The following PARVA variants were observed in gnomAD, a reference collection of about 807,000 sequenced individuals.
PARVA encodes the protein parvin alpha, also known as alpha-parvin.
PARVA carries 25 observed loss-of-function variants against 52.6 expected under a neutral mutation model. That is an observed-to-expected ratio of 0.48 (90% CI 0.35 to 0.66). The LOEUF is 0.66. Among genes scored for constraint, PARVA ranks in the 30% least tolerant of loss-of-function variants. The pLI is 0.01. For synonymous variants in PARVA, 185 were observed against 179.1 expected, an observed-to-expected ratio of 1.03 and a Z score of -0.26; for missense variants, 373 against 450.9, an observed-to-expected ratio of 0.83 and a Z score of 1.56.
At chr11:12,422,823 T>G (rs1288264659) in intron 1 of PARVA, among the ~76,000 whole-genome samples, 1 of 152,198 alleles carries the variant, frequency 6.6e-6, no homozygotes, top group African/African-American at 2.4e-5. Context: ...ATTTAAAATT[T>G]TGGGGGGCTC....
intron 12 of PARVA, 125 bp downstream of exon 12, chr11:12,518,642 G>A (rs781180573): frequency 6.9e-5 from 50 of 725,276 alleles, no homozygotes; most frequent in East Asian, 2.1e-4. Context: ...GGTGGGACTC[G>A]GTGCAGCTGC....
chr11:12,447,833 T>A (rs1368680356), intron 1 of PARVA, among the ~76,000 whole-genome samples: 1 of 152,196 alleles, frequency 6.6e-6, no homozygotes, highest in African/African-American at 2.4e-5. Context: ...GGAATGAACA[T>A]GAGGTTTGAA....
intron 1 of PARVA, among the ~76,000 whole-genome samples, chr11:12,421,875 T>G (rs1404647280): frequency 6.6e-6 from 1 of 152,238 alleles, no homozygotes; most frequent in Non-Finnish European, 1.5e-5. Context: ...TAAACTAAGT[T>G]CTAGAAATAT....
At chr11:12,424,697 A>C (rs1940203083) in intron 1 of PARVA, among the ~76,000 whole-genome samples, 2 of 152,194 alleles carry the variant, frequency 1.3e-5, no homozygotes, top group African/African-American at 4.8e-5. Context: ...AATAACACTC[A>C]AGCCCAGATT....
intron 1 of PARVA, among the ~76,000 whole-genome samples, chr11:12,448,050 A>C (rs1940571755): frequency 1.3e-5 from 2 of 152,220 alleles, no homozygotes; most frequent in African/African-American, 4.8e-5. Flanking sequence ...CTGTCAAGGT[A>C]TCTTTCATAT....
intron 1 of PARVA, among the ~76,000 whole-genome samples, chr11:12,423,351 G>GTTT (rs869105706): frequency 9.6e-6 from 1 of 104,708 alleles, no homozygotes; most frequent in Non-Finnish European, 1.9e-5. Context: ...GCTAATTTTT[G>GTTT]TTTTTTTTTT....
intron 5 of PARVA, among the ~76,000 whole-genome samples, chr11:12,503,866 G>A (rs1252557636): frequency 6.6e-6 from 1 of 152,156 alleles, no homozygotes; most frequent in Non-Finnish European, 1.5e-5. Context: ...CATTAAGAAA[G>A]GCTTGAGGCT....
chr11:12,496,201 G>A (rs1166216181), intron 4 of PARVA, among the ~76,000 whole-genome samples: 2 of 152,182 alleles, frequency 1.3e-5, no homozygotes, highest in African/African-American at 4.8e-5. Context: ...AAATATGACA[G>A]GCTAGGTTAA....
At chr11:12,385,642 C>T (rs561648354) in intron 1 of PARVA, among the ~76,000 whole-genome samples, 1 of 152,256 alleles carries the variant, frequency 6.6e-6, no homozygotes, top group East Asian at 1.9e-4. Flanking sequence ...ACCTGGTTTG[C>T]ACTATTCAGC....
At chr11:12,430,313 C>T (rs182703767) in intron 1 of PARVA, among the ~76,000 whole-genome samples, 4 of 152,262 alleles carry the variant, frequency 2.6e-5, no homozygotes, top group African/African-American at 9.6e-5. Flanking sequence ...TTAATTGCAA[C>T]TTTGTATTTT....
intron 12 of PARVA, among the ~76,000 whole-genome samples, chr11:12,525,226 T>C (rs1941685469): frequency 6.6e-6 from 1 of 152,184 alleles, no homozygotes; most frequent in African/African-American, 2.4e-5. Flanking sequence ...AGGGAAATAG[T>C]TGTATGGCCA....
intron 1 of PARVA, among the ~76,000 whole-genome samples, chr11:12,403,180 G>A (rs906259012): frequency 8.5e-5 from 13 of 152,156 alleles, no homozygotes; most frequent in Non-Finnish European, 2.9e-5. Context: ...AACCCCTACT[G>A]TACTCTGCCT....
At chr11:12,416,226 T>C (rs1940064493) in intron 1 of PARVA, among the ~76,000 whole-genome samples, 1 of 152,204 alleles carries the variant, frequency 6.6e-6, no homozygotes, top group Non-Finnish European at 1.5e-5. Flanking sequence ...AGATAGAGCA[T>C]GTGTTTCACA....
intron 4 of PARVA, among the ~76,000 whole-genome samples, chr11:12,483,895 C>T (rs747811734): frequency 1.5e-4 from 23 of 152,192 alleles, no homozygotes; most frequent in Non-Finnish European, 1.9e-4. Flanking sequence ...CAGAGGTTTC[C>T]GAACCCCAGA....
intron 1 of PARVA, among the ~76,000 whole-genome samples, chr11:12,467,402 T>G (rs960517370): frequency 6.6e-6 from 1 of 152,232 alleles, no homozygotes; most frequent in Non-Finnish European, 1.5e-5. Context: ...AGATTTCTAG[T>G]ATAATTTTGA....
Position 12,436,868 on chromosome 11 carries a change from G to A in PARVA, c.137-36877G>A, listed in dbSNP as rs1164712887. Reference sequence around the variant, plus strand: ...TGGTATTGGAGATGAGAGCAAAAGTGGCTTAAGAACAACTCCAGAGTTTCA... The same window carrying A: ...TGGTATTGGAGATGAGAGCAAAAGTAGCTTAAGAACAACTCCAGAGTTTCA... On this transcript the variant is annotated intron_variant, in intron 1 of 12. Transcript: ENST00000334956. Among the ~76,000 whole-genome samples the A allele has an allele frequency of 3.3e-5, 5 of 152,124 alleles. No individual in the cohort carries two copies. The East Asian group carries it at 9.6e-4, about 29-fold the overall frequency.
At chr11:12,431,495 C>T (rs1050804642) in intron 1 of PARVA, among the ~76,000 whole-genome samples, 1 of 152,204 alleles carries the variant, frequency 6.6e-6, no homozygotes, top group African/African-American at 2.4e-5. Flanking sequence ...CTGCAGAACC[C>T]AAGGCCCCTT....
At chr11:12,438,860 G>A (rs1940423757) in intron 1 of PARVA, among the ~76,000 whole-genome samples, 1 of 152,146 alleles carries the variant, frequency 6.6e-6, no homozygotes, top group South Asian at 2.1e-4. Flanking sequence ...GTGCCACAAG[G>A]TTGGCACTCA....
At chr11:12,443,606 G>A (rs1940500942) in intron 1 of PARVA, among the ~76,000 whole-genome samples, 3 of 152,130 alleles carry the variant, frequency 2.0e-5, no homozygotes, top group Admixed American at 2.0e-4. Flanking sequence ...ATTCATTCAT[G>A]CTTTTTAAGT....
Sources: allele counts gnomAD v4.1 joint callset (sites outside exome capture counted in the v4.1 genomes callset), GRCh38; gene constraint gnomAD v4.1.1; transcripts MANE v1.5; gene names NCBI Gene and HGNC (gene_info 2026-07-23, HGNC 2026-07-21).